METRN: variants seen among roughly 807,000 people sequenced by gnomAD.
The protein encoded by METRN is meteorin, glial cell differentiation regulator, also known as meteorin.
In METRN, 17 loss-of-function variants were observed where a neutral mutation model predicts 17.4. The ratio of observed to expected loss-of-function variants is 0.98; its 90% CI spans 0.67 to 1.46. The LOEUF is 1.46. Among genes scored for constraint, METRN ranks in the 40% most tolerant of loss-of-function variants. The pLI is 0.00. For missense variants in METRN, 489 were observed against 456.2 expected, an observed-to-expected ratio of 1.07 and a Z score of -0.65; for synonymous variants, 230 against 210.8, an observed-to-expected ratio of 1.09 and a Z score of -0.79.
At chr16:716,297 G>C in intron 2 of METRN, 1 of 1,386,510 alleles carries the variant, frequency 7.2e-7, no homozygotes. Context: ...GAAGCCTCCG[G>C]CCAAAGCTGT....
rs2040178583 is a variant in METRN at position 718,411 on chromosome 16, CGCCTGG to C, written c.*1028_*1033del. On this transcript the variant is annotated 3_prime_UTR_variant, in exon 4 of 4. Transcript: ENST00000568223. ...AGCCCCAGAAATGGCTTTCCATTCTCGCCTGGGCCGGGGTGGGGGTGGAGGCCAGAG... is the reference window on the plus strand; with the variant it reads ...AGCCCCAGAAATGGCTTTCCATTCTCGCCGGGGTGGGGGTGGAGGCCAGAG... The C allele has an allele frequency of 6.6e-6, 1 of 152,228 alleles. No individual in the cohort carries two copies. The highest frequency in any genetic ancestry group is 1.5e-5 in the Non-Finnish European group (1 of 68,058). 9.4% of individuals were successfully genotyped at this position (152,228 alleles called of 1,614,324 possible).
rs1415049690 is a variant in METRN, at chr16:715,148, A to C, written c.-142A>C. On this transcript the variant is annotated 5_prime_UTR_variant, in exon 1 of 4. Coordinates refer to ENST00000568223, the MANE Select transcript of METRN (RefSeq NM_024042.4). ...GGCCCCGGCGCTGGGGCTGCGCGGC[A>C]GGCGGAGCGGCCGCGGGCTTGGGGG... 5.7e-6 allele frequency: 1 copy of C among 174,046 alleles called. No homozygotes were observed. Among genetic ancestry groups the C allele is most frequent in the African/African-American group, 2.4e-5 (1 of 41,254 alleles). 10.8% of individuals were successfully genotyped at this position (174,046 alleles called of 1,614,324 possible). A position where few individuals can be genotyped will look rare whatever the true frequency, so the allele number is the denominator to read the frequency against.
chr16:715,775 C>G lies in METRN; in HGVS notation c.296C>G (p.Ala99Gly). The G allele has an allele frequency of 7.9e-7, 1 of 1,261,296 alleles. No individual in the cohort carries two copies. Among genetic ancestry groups the G allele is most frequent in the Non-Finnish European group, 9.9e-7 (1 of 1,006,508 alleles). 78.1% of individuals were successfully genotyped at this position (1,261,296 alleles called of 1,614,324 possible). A position where few individuals can be genotyped will look rare whatever the true frequency, so the allele number is the denominator to read the frequency against. The change falls in exon 2 of 4, where the codon GCA becomes GGA. Residue 99 changes from alanine to glycine, a missense_variant. Transcript: ENST00000568223. ...FAGAQVFAER[A>G]GGALELLLAE... ...GGCGCCCAGGTCTTCGCGGAGCGCG[C>G]AGGGGGCGCCCTGGAGCTGCTGCTG...
Position 716,091 on chromosome 16 carries a change from C to T in METRN, c.505+107C>T, listed in dbSNP as rs993765971. On this transcript the variant is annotated intron_variant, in intron 2 of 3. Transcript: ENST00000568223. Reference sequence around the variant, plus strand: ...CCCCACTGCAGAAGGAAAAAGTGAGCTACAAGGGTTGGATGGGCTTGTCAG... The same window carrying T: ...CCCCACTGCAGAAGGAAAAAGTGAGTTACAAGGGTTGGATGGGCTTGTCAG... 9.0e-6 allele frequency: 12 copies of T among 1,336,838 alleles called. No individual in the cohort carries two copies. In the African/African-American group the frequency reaches 1.5e-4, roughly 17 times the overall value. 82.8% of individuals were successfully genotyped at this position (1,336,838 alleles called of 1,614,324 possible).
Position 715,953 on chromosome 16 carries a change from GC to G in METRN, c.479del (p.Pro160ArgfsTer8), listed in dbSNP as rs1567303691. 2 of 1,497,616 alleles carry G rather than the reference GC, an allele frequency of 1.3e-6. No homozygotes were observed. The highest frequency in any genetic ancestry group is 2.2e-5 in the Admixed American group (1 of 45,518). 92.8% of individuals were successfully genotyped at this position (1,497,616 alleles called of 1,614,324 possible). On this transcript the variant is annotated frameshift_variant, in exon 2 of 4. Coordinates refer to ENST00000568223, the MANE Select transcript of METRN (RefSeq NM_024042.4). LOFTEE classifies it high-confidence loss of function. ...ELREDGRPELPPQAHGLGVDG... is the reference protein window; with the variant it reads ...ELREDGRPELXPQAHGLGVDG... ...TGCGCGAGGACGGGCGCCCCGAGCTGCCCCCGCAGGCCCACGGTCTCGGCGT... is the reference window on the plus strand; with the variant it reads ...TGCGCGAGGACGGGCGCCCCGAGCTGCCCCGCAGGCCCACGGTCTCGGCGT...
chr16:715,960 C>T lies in METRN; in HGVS notation c.481C>T (p.Gln161Ter). ...REDGRPELPP[Q>*]AHGLGVDGAC... is the part of the protein sequence containing the mutation. ...GGACGGGCGCCCCGAGCTGCCCCCGCAGGCCCACGGTCTCGGCGTAGACGG... is the reference window on the plus strand; with the variant it reads ...GGACGGGCGCCCCGAGCTGCCCCCGTAGGCCCACGGTCTCGGCGTAGACGG... Residue 161 changes from glutamine (Q) to a stop codon, truncating the protein, a stop_gained, in exon 2 of 4, where the codon CAG (glutamine) becomes TAG (stop). Coordinates refer to ENST00000568223, the MANE Select transcript of METRN (RefSeq NM_024042.4). LOFTEE classifies it high-confidence loss of function. The T allele has an allele frequency of 6.7e-7, 1 of 1,499,658 alleles. No individual in the cohort carries two copies. The highest frequency in any genetic ancestry group is 1.7e-4 in the Middle Eastern group (1 of 5,838). The allele number at this position is 1,499,658 out of a possible 1,614,324, so 92.9% of individuals were successfully genotyped here.
At position 715,358 on chromosome 16, in the gene METRN, C is replaced by T. The variant is rs1376165700; in HGVS notation, c.69C>T (p.Ala23=). The T allele has an allele frequency of 2.1e-5, 28 of 1,339,148 alleles. No individual in the cohort carries two copies. Among genetic ancestry groups the T allele is most frequent in the East Asian group, 3.1e-5 (1 of 31,882 alleles). The allele number at this position is 1,339,148 out of a possible 1,614,324, so 83.0% of individuals were successfully genotyped here. A position where few individuals can be genotyped will look rare whatever the true frequency, so the allele number is the denominator to read the frequency against. ...GCCTCCTGGCCCCGGCTGCCCGCGC[C>T]GGCTACTCCGAGGAGCGCTGCAGCT... The part of the protein sequence containing the change: ...CCGLLAPAAR[A]GYSEERCSWR... Residue 23 remains alanine (A), a synonymous_variant, in exon 1 of 4, where the codon GCC becomes GCT. Coordinates refer to ENST00000568223, the MANE Select transcript of METRN (RefSeq NM_024042.4).
In METRN at chr16:715,904, G is replaced by T. The variant is rs1026838572; in HGVS notation, c.425G>T (p.Arg142Leu). 1 of 1,471,964 alleles carries T rather than the reference G, an allele frequency of 6.8e-7. No individual in the cohort carries two copies. Among genetic ancestry groups the T allele is most frequent in the East Asian group, 3.0e-5 (1 of 33,682 alleles). The allele number at this position is 1,471,964 out of a possible 1,614,324, so 91.2% of individuals were successfully genotyped here. A position where few individuals can be genotyped will look rare whatever the true frequency, so the allele number is the denominator to read the frequency against. Residue 142 changes from arginine to leucine, a missense_variant, in exon 2 of 4, where the codon CGC becomes CTC. Transcript: ENST00000568223. ...QATPHQDISR[R>L]VAAFRFELRE... ...ACGCCGCACCAGGACATCAGCCGCCGCGTGGCCGCCTTCCGCTTTGAGCTG... is the reference window on the plus strand; with the variant it reads ...ACGCCGCACCAGGACATCAGCCGCCTCGTGGCCGCCTTCCGCTTTGAGCTG...
chr16:717,969 C>G lies in METRN; in HGVS notation c.*582C>G, dbSNP rs1254330085. 1 of 152,448 alleles carries G rather than the reference C, an allele frequency of 6.6e-6. No individual in the cohort carries two copies. The highest frequency in any genetic ancestry group is 1.5e-5 in the Non-Finnish European group (1 of 68,202). 9.4% of individuals were successfully genotyped at this position (152,448 alleles called of 1,614,324 possible). ...TTCCCCCATGGCTGCTGTGAGCCCGCAGAGTCATCCTTGGCCCCGTCCCGC... is the reference window on the plus strand; with the variant it reads ...TTCCCCCATGGCTGCTGTGAGCCCGGAGAGTCATCCTTGGCCCCGTCCCGC... On this transcript the variant is annotated 3_prime_UTR_variant, in exon 4 of 4. Coordinates refer to ENST00000568223, the MANE Select transcript of METRN (RefSeq NM_024042.4).
chr16:717,336 C>T lies in METRN; in HGVS notation c.831C>T (p.Tyr277=), dbSNP rs758023647. 13 of 1,472,162 alleles carry T rather than the reference C, an allele frequency of 8.8e-6. No homozygotes were observed. Among genetic ancestry groups the T allele is most frequent in the Admixed American group, 2.2e-5 (1 of 44,972 alleles). 91.2% of individuals were successfully genotyped at this position (1,472,162 alleles called of 1,614,324 possible). Residue 277 remains tyrosine, a synonymous_variant, in exon 4 of 4, where the codon TAC becomes TAT. Coordinates refer to ENST00000568223, the MANE Select transcript of METRN (RefSeq NM_024042.4). ...APRFQEFRRA[Y]EAARAAHLHP... is the part of the protein sequence containing the mutation. Reference sequence around the variant, plus strand: ...GATTCCAGGAGTTCCGCCGTGCCTACGAGGCTGCCCGTGCTGCCCACCTCC... The same window carrying T: ...GATTCCAGGAGTTCCGCCGTGCCTATGAGGCTGCCCGTGCTGCCCACCTCC...
In METRN at chr16:716,677, G is replaced by A. The variant is rs538113776; in HGVS notation, c.506-256G>A. 7.2e-5 allele frequency: 110 copies of A among 1,535,380 alleles called. No homozygotes were observed. In the African/African-American group the frequency reaches 1.4e-3, roughly 19 times the overall value. On this transcript the variant is annotated intron_variant, in intron 2 of 3. Coordinates refer to ENST00000568223, the MANE Select transcript of METRN (RefSeq NM_024042.4). The stretch of plus-strand genomic sequence containing the variant: ...CCAGGACAGCTGATCGCTAGGCATG[G>A]CCCCCAGGCCCACGTCTGTGTGCAT...
At position 717,060 on chromosome 16, in the gene METRN, C is replaced by A. The variant is rs1203191419; in HGVS notation, c.566-11C>A. ...CCTGAATGCCTACCGCAGCCACATG[C>A]CTCCCCACAGTAATTCACGGGATCA... is the stretch of plus-strand genomic sequence containing the variant. On this transcript the variant is annotated splice_polypyrimidine_tract_variant and intron_variant, in intron 3 of 3. Coordinates refer to ENST00000568223, the MANE Select transcript of METRN (RefSeq NM_024042.4). 6.2e-7 allele frequency: 1 copy of A among 1,611,572 alleles called. No homozygotes were observed. The highest frequency in any genetic ancestry group is 1.7e-5 in the Admixed American group (1 of 59,830).
At position 717,359 on chromosome 16, in the gene METRN, T is replaced by C; in HGVS notation, c.854T>C (p.Leu285Pro). Residue 285 changes from leucine (L) to proline (P), a missense_variant, in exon 4 of 4, where the codon CTC becomes CCC. Physicochemically the swap from Leu to Pro is moderately conservative, Grantham distance 98. Coordinates refer to ENST00000568223, the MANE Select transcript of METRN (RefSeq NM_024042.4). Reference sequence around the variant, plus strand: ...TACGAGGCTGCCCGTGCTGCCCACCTCCACCCCTGCGAGGTGGCGCTGCAC... The same window carrying C: ...TACGAGGCTGCCCGTGCTGCCCACCCCCACCCCTGCGAGGTGGCGCTGCAC... ...RAYEAARAAHLHPCEVALH is the reference protein window; with the variant it reads ...RAYEAARAAHPHPCEVALH 1 of 1,364,608 alleles carries C rather than the reference T, an allele frequency of 7.3e-7. No homozygotes were observed. Among genetic ancestry groups the C allele is most frequent in the Non-Finnish European group, 9.4e-7 (1 of 1,058,372 alleles). The allele number at this position is 1,364,608 out of a possible 1,614,324, so 84.5% of individuals were successfully genotyped here. A position where few individuals can be genotyped will look rare whatever the true frequency, so the allele number is the denominator to read the frequency against.
chr16:719,233 C>T lies in METRN; in HGVS notation c.*1846C>T, dbSNP rs1395914328. The T allele has an allele frequency of 6.6e-6, 1 of 152,316 alleles. No homozygotes were observed. The highest frequency in any genetic ancestry group is 1.5e-5 in the Non-Finnish European group (1 of 68,096). The allele number at this position is 152,316 out of a possible 1,614,324, so 9.4% of individuals were successfully genotyped here. ...GAGAAAGCCCTGGCTTTGCAACCAG[C>T]TGTCTTCTCATGAGACACAGGGCCA... is the stretch of plus-strand genomic sequence containing the variant. On this transcript the variant is annotated 3_prime_UTR_variant, in exon 4 of 4. Transcript: ENST00000568223.
Position 715,627 on chromosome 16 carries a change from G to C in METRN, c.148G>C (p.Ala50Pro). 7.0e-7 allele frequency: 1 copy of C among 1,434,924 alleles called. No individual in the cohort carries two copies. Among genetic ancestry groups the C allele is most frequent in the Non-Finnish European group, 9.1e-7 (1 of 1,099,324 alleles). 88.9% of individuals were successfully genotyped at this position (1,434,924 alleles called of 1,614,324 possible). Residue 50 changes from alanine to proline, a missense_variant, in exon 2 of 4, where the codon GCC becomes CCC. Coordinates refer to ENST00000568223, the MANE Select transcript of METRN (RefSeq NM_024042.4). ...CGGCAGCGTGGGGCAGCTGGCCCTG[G>C]CCTGTGCGGAGGGCGCGGTTGAGTG... Reference protein sequence around the residue: ...EPGSVGQLALACAEGAVEWLY... With the variant: ...EPGSVGQLALPCAEGAVEWLY...
rs942226882 is a variant in METRN, at chr16:719,201, C to T, written c.*1814C>T. On this transcript the variant is annotated 3_prime_UTR_variant, in exon 4 of 4. Transcript: ENST00000568223. Reference sequence around the variant, plus strand: ...GTGCCTGAGCCTTGCACCTACAGACCCTCCCAGAGAAAGCCCTGGCTTTGC... The same window carrying T: ...GTGCCTGAGCCTTGCACCTACAGACTCTCCCAGAGAAAGCCCTGGCTTTGC... The T allele has an allele frequency of 4.6e-5, 7 of 152,272 alleles. No individual in the cohort carries two copies. The highest frequency in any genetic ancestry group is 1.4e-4 in the African/African-American group (6 of 41,446). The allele number at this position is 152,272 out of a possible 1,614,324, so 9.4% of individuals were successfully genotyped here.
In METRN at chr16:717,421, GAGGGTGGGC is replaced by G; in HGVS notation, c.*35_*43del. On this transcript the variant is annotated 3_prime_UTR_variant, in exon 4 of 4. Coordinates refer to ENST00000568223, the MANE Select transcript of METRN (RefSeq NM_024042.4). ...GTGCTGGGGAGGGGCTGGTAGGAGG[GAGGGTGGGC>G]CCACTGCTTTGGAGGTGATGGGACT... The G allele has an allele frequency of 2.5e-6, 3 of 1,186,678 alleles. No homozygotes were observed. The highest frequency in any genetic ancestry group is 1.8e-5 in the South Asian group (1 of 54,270). 73.5% of individuals were successfully genotyped at this position (1,186,678 alleles called of 1,614,324 possible).
chr16:715,880 C>A lies in METRN; in HGVS notation c.401C>A (p.Thr134Lys). The A allele has an allele frequency of 7.0e-7, 1 of 1,435,194 alleles. No individual in the cohort carries two copies. Among genetic ancestry groups the A allele is most frequent in the South Asian group, 1.4e-5 (1 of 71,680 alleles). 88.9% of individuals were successfully genotyped at this position (1,435,194 alleles called of 1,614,324 possible). A position where few individuals can be genotyped will look rare whatever the true frequency, so the allele number is the denominator to read the frequency against. ...CGCCGGGCCCTCTTCCTGCAGGCCA[C>A]GCCGCACCAGGACATCAGCCGCCGC... Reference protein sequence around the residue: ...RERRALFLQATPHQDISRRVA... With the variant: ...RERRALFLQAKPHQDISRRVA... Residue 134 changes from threonine (T) to lysine (K), a missense_variant, in exon 2 of 4, where the codon ACG (threonine) becomes AAG (lysine). Thr to Lys is a moderately conservative substitution (Grantham distance 78, BLOSUM62 -1). Coordinates refer to ENST00000568223, the MANE Select transcript of METRN (RefSeq NM_024042.4).
Position 717,618 on chromosome 16 carries a change from CTGAG to C in METRN, c.*232_*235del. ...TATCTTGTTCAAGACCATTTGGCAA[CTGAG>C]AGGGAGAGCAGATGTCAGGAGGAGC... On this transcript the variant is annotated 3_prime_UTR_variant, in exon 4 of 4. Transcript: ENST00000568223. 2.3e-6 allele frequency: 1 copy of C among 429,116 alleles called. No homozygotes were observed. The allele number at this position is 429,116 out of a possible 1,614,324, so 26.6% of individuals were successfully genotyped here. A position where few individuals can be genotyped will look rare whatever the true frequency, so the allele number is the denominator to read the frequency against.
Sources: allele counts gnomAD v4.1 joint callset, GRCh38; gene constraint gnomAD v4.1.1; transcripts MANE v1.5; gene names NCBI Gene and HGNC (gene_info 2026-07-23, HGNC 2026-07-21).